Variants in LRRIQ3 observed in about 807,000 individuals in gnomAD.
The protein encoded by LRRIQ3 is leucine-rich repeat and IQ domain-containing protein 3.
A neutral mutation model predicts 59.3 loss-of-function variants in LRRIQ3; 75 were observed. That is an observed-to-expected ratio of 1.26 (90% CI 1.05 to 1.53). The LOEUF (loss-of-function observed/expected upper bound fraction) is 1.53. Ranked by LOEUF, LRRIQ3 falls within the 40% of genes most tolerant of loss-of-function variation. The pLI is 0.00. For synonymous variants in LRRIQ3, 250 were observed against 231.3 expected, an observed-to-expected ratio of 1.08 and a Z score of -0.73; for missense variants, 831 against 710.0, an observed-to-expected ratio of 1.17 and a Z score of -1.94.
intron 4 of LRRIQ3, among the ~76,000 whole-genome samples, chr1:74,118,604 T>C (rs1246026216): frequency 6.6e-6 from 1 of 152,058 alleles, no homozygotes; most frequent in Non-Finnish European, 1.5e-5. Flanking sequence ...TTTTGTAGTA[T>C]AAGTTTCAAG....
intron 4 of LRRIQ3, among the ~76,000 whole-genome samples, chr1:74,143,942 A>G (rs934775677): frequency 2.6e-5 from 4 of 151,910 alleles, no homozygotes; most frequent in Non-Finnish European, 4.4e-5. Flanking sequence ...CCTGATTCAT[A>G]TAAGTTGTGA....
In LRRIQ3 at chr1:74,109,416, C is replaced by T. The variant is rs1412767236; in HGVS notation, c.845G>A (p.Gly282Glu). 1 of 1,544,288 alleles carries T rather than the reference C, an allele frequency of 6.5e-7. No homozygotes were observed. Among genetic ancestry groups the T allele is most frequent in the African/African-American group, 1.4e-5 (1 of 72,136 alleles). The stretch of plus-strand genomic sequence containing the variant: ...TACATGTTTCCAATATGCAAGCTTT[C>T]CTTTTATATTAGTTTCAGGTTTGAA... ...LFFKPETNIK[G>E]KLAYWKHNIY... The change falls in exon 5 of 8, where the codon GGA (glycine) becomes GAA (glutamate). Residue 282 changes from glycine to glutamate, a missense_variant. Coordinates refer to ENST00000354431, the MANE Select transcript of LRRIQ3 (RefSeq NM_001105659.2).
intron 6 of LRRIQ3, among the ~76,000 whole-genome samples, chr1:74,071,189 T>C (rs1480539795): frequency 6.6e-6 from 1 of 152,050 alleles, no homozygotes; most frequent in African/African-American, 2.4e-5. Context: ...TATAATCTTT[T>C]AGAGACAGGG....
Position 74,151,407 on chromosome 1 carries a change from T to A in LRRIQ3, c.707+4326A>T, listed in dbSNP as rs189895532. ...ATAACAACTAGAAGGCAAATTTTTT[T>A]AAATATCTACAACAGTACTATGTGA... On this transcript the variant is annotated intron_variant, in intron 4 of 7. Coordinates refer to ENST00000354431, the MANE Select transcript of LRRIQ3 (RefSeq NM_001105659.2). Among the ~76,000 whole-genome samples the A allele has an allele frequency of 5.5e-4, 84 of 152,236 alleles. 1 individual carries two copies. The highest frequency in any genetic ancestry group is 3.4e-3 in the Middle Eastern group (1 of 294).
At chr1:74,195,202 A>G (rs1173047504) in intron 1 of LRRIQ3, among the ~76,000 whole-genome samples, 1 of 152,178 alleles carries the variant, frequency 6.6e-6, no homozygotes, top group African/African-American at 2.4e-5. Context: ...GCAAAAAGAC[A>G]ATTTTTGCTT....
At chr1:74,047,966 T>A (rs764311335) in intron 6 of LRRIQ3, among the ~76,000 whole-genome samples, 11 of 152,146 alleles carry the variant, frequency 7.2e-5, no homozygotes, top group Non-Finnish European at 1.3e-4. Context: ...CCCTTCTCAC[T>A]ATGCACACAT....
At chr1:74,141,709 C>T (rs1364964164) in intron 4 of LRRIQ3, among the ~76,000 whole-genome samples, 1 of 151,594 alleles carries the variant, frequency 6.6e-6, no homozygotes, top group Non-Finnish European at 1.5e-5. Flanking sequence ...TTTTATGTCA[C>T]TTTTATCCAA....
intron 6 of LRRIQ3, among the ~76,000 whole-genome samples, chr1:74,047,952 C>T (rs1654254110): frequency 6.6e-6 from 1 of 152,108 alleles, no homozygotes; most frequent in Non-Finnish European, 1.5e-5. Flanking sequence ...AGATAGCTCA[C>T]TTTCCCTTCT....
At chr1:74,098,247 G>C (rs1646476176) in intron 5 of LRRIQ3, among the ~76,000 whole-genome samples, 1 of 152,066 alleles carries the variant, frequency 6.6e-6, no homozygotes, top group African/African-American at 2.4e-5. Flanking sequence ...AAAGGCAGGG[G>C]TTGCAATCCT....
At chr1:74,170,855 G>A (rs886757833) in intron 3 of LRRIQ3, among the ~76,000 whole-genome samples, 1 of 152,002 alleles carries the variant, frequency 6.6e-6, no homozygotes, top group African/African-American at 2.4e-5. Flanking sequence ...TTCCATTAGT[G>A]TTTTATAGTT....
intron 4 of LRRIQ3, among the ~76,000 whole-genome samples, chr1:74,138,188 GC>G (rs1647160732): frequency 6.6e-6 from 1 of 150,954 alleles, no homozygotes; most frequent in Admixed American, 6.6e-5. Flanking sequence ...AAAAAACAAG[GC>G]CCTGACTTCA....
At chr1:74,105,709 A>G (rs562465547) in intron 5 of LRRIQ3, among the ~76,000 whole-genome samples, 59 of 152,172 alleles carry the variant, frequency 3.9e-4, no homozygotes, top group African/African-American at 1.4e-3. Flanking sequence ...GTTCACAGGG[A>G]GAATTGTATA....
At chr1:74,042,618 A>G (rs1487381116) in intron 6 of LRRIQ3, among the ~76,000 whole-genome samples, 1 of 152,086 alleles carries the variant, frequency 6.6e-6, no homozygotes, top group Non-Finnish European at 1.5e-5. Context: ...GCCTTAGGCC[A>G]CATTTAACAA....
At chr1:74,080,962 C>T (rs112084375) in intron 5 of LRRIQ3, among the ~76,000 whole-genome samples, 12 of 151,550 alleles carry the variant, frequency 7.9e-5, no homozygotes, top group African/African-American at 2.9e-4. Context: ...GAGAAAGGAG[C>T]ATGGTTCAAA....
chr1:74,176,820 TTA>T (rs757361934), intron 3 of LRRIQ3, among the ~76,000 whole-genome samples: 38 of 152,150 alleles, frequency 2.5e-4, no homozygotes, highest in Non-Finnish European at 5.0e-4. Context: ...CTACAATGGG[TTA>T]GTAAGGGCTT....
intron 6 of LRRIQ3, among the ~76,000 whole-genome samples, chr1:74,058,965 C>G (rs1480338599): frequency 2.0e-5 from 3 of 151,990 alleles, no homozygotes; most frequent in Admixed American, 2.0e-4. Context: ...CTTTGCCAAC[C>G]CTTTGCACTG....
At chr1:74,106,829 T>C (rs1415181570) in intron 5 of LRRIQ3, among the ~76,000 whole-genome samples, 1 of 151,998 alleles carries the variant, frequency 6.6e-6, no homozygotes, top group African/African-American at 2.4e-5. Flanking sequence ...TCAATTGGAT[T>C]TAATTGAACT....
chr1:74,037,735 T>C (rs1331561247), intron 7 of LRRIQ3, among the ~76,000 whole-genome samples: 1 of 152,162 alleles, frequency 6.6e-6, no homozygotes, highest in Non-Finnish European at 1.5e-5. Context: ...AGCAGTGTGC[T>C]GTGGTGGCCC....
chr1:74,151,573 T>C (rs575568670), intron 4 of LRRIQ3, among the ~76,000 whole-genome samples: 2 of 126,588 alleles, frequency 1.6e-5, no homozygotes, highest in East Asian at 4.1e-4. Flanking sequence ...ACAAAACAAA[T>C]AGAACAGAAG....
Sources: gnomAD v4.1 joint callset for allele counts (sites outside exome capture counted in the v4.1 genomes callset) on GRCh38, gnomAD v4.1.1 for gene constraint, MANE v1.5 for transcripts, NCBI Gene and HGNC (gene_info 2026-07-23, HGNC 2026-07-21) for gene names.